Variants in DOCK8 observed in about 807,000 individuals in gnomAD.
DOCK8 encodes dedicator of cytokinesis protein 8.
In DOCK8, 141 loss-of-function variants were observed where a neutral mutation model predicts 245.6. The observed-to-expected ratio is 0.57, with a 90% CI of 0.50 to 0.66. The LOEUF is 0.66. DOCK8 is among the 30% of genes least tolerant of loss of function. The pLI, the probability that DOCK8 is intolerant of heterozygous loss-of-function variation, is 0.00. For missense variants in DOCK8, 2,965 were observed against 2,603.4 expected (o/e 1.14, Z -3.02); for synonymous variants, 1,168 against 970.2 (o/e 1.20, Z -3.79).
chr9:436,521 C>T (rs974124725), intron 39 of DOCK8, among the ~76,000 whole-genome samples: 15 of 152,076 alleles, frequency 9.9e-5, no homozygotes, highest in African/African-American at 3.6e-4. Context: ...TTCTTTTATT[C>T]CTTTTCCCAT....
At chr9:370,610 C>T (rs2053243460) in intron 16 of DOCK8, among the ~76,000 whole-genome samples, 6 of 152,210 alleles carry the variant, frequency 3.9e-5, no homozygotes. Flanking sequence ...TGCTTTGAGA[C>T]CCTGGAGGGG....
chr9:281,396 C>T (rs2048579226), intron 2 of DOCK8, among the ~76,000 whole-genome samples: 1 of 152,036 alleles, frequency 6.6e-6, no homozygotes. Context: ...CTTTGGTCTC[C>T]ACTGGCTAGG....
intron 1 of DOCK8, among the ~76,000 whole-genome samples, chr9:231,078 A>G (rs966542434): frequency 1.3e-5 from 2 of 152,036 alleles, no homozygotes; most frequent in Non-Finnish European, 2.9e-5. Flanking sequence ...TACTTTTTGT[A>G]TAAGGTGTAA....
chr9:389,000 C>T (rs548354172), intron 23 of DOCK8, among the ~76,000 whole-genome samples: 2 of 151,696 alleles, frequency 1.3e-5, no homozygotes, highest in South Asian at 2.1e-4. Flanking sequence ...TACTTTCTTA[C>T]CAGAAAAAAA....
chr9:266,913 G>T (rs202046056), intron 1 of DOCK8, among the ~76,000 whole-genome samples: 2 of 152,216 alleles, frequency 1.3e-5, no homozygotes, highest in African/African-American at 4.8e-5. Flanking sequence ...TGTCAAATTT[G>T]GTCTAAGAAT....
intron 26 of DOCK8, among the ~76,000 whole-genome samples, chr9:400,348 ACCACC>A: frequency 1.1e-5 from 1 of 94,380 alleles, no homozygotes; most frequent in Non-Finnish European, 2.1e-5. Context: ...CTCCACCACC[ACCACC>A]TCCTCCACCA....
chr9:303,828 C>A (rs73639045), intron 4 of DOCK8, among the ~76,000 whole-genome samples: 3,337 of 152,240 alleles, frequency 0.022, 52 homozygotes, highest in African/African-American at 0.036. Context: ...ATAAGATATC[C>A]CGTATCCTCA....
intron 1 of DOCK8, among the ~76,000 whole-genome samples, chr9:270,126 C>T (rs1326699173): frequency 2.6e-5 from 4 of 152,196 alleles, no homozygotes; most frequent in African/African-American, 4.8e-5. Flanking sequence ...ATTTCCCTCA[C>T]GGCTAGTAGA....
chr9:368,311 C>A (rs2131184846), intron 15 of DOCK8, 176 bp downstream of exon 15: 1 of 749,312 alleles, frequency 1.3e-6, no homozygotes, highest in Non-Finnish European at 2.5e-6. Flanking sequence ...GTCAGTCTTA[C>A]TTGACGATCT....
chr9:408,919 G>C (rs980010902), intron 28 of DOCK8, among the ~76,000 whole-genome samples: 1 of 137,914 alleles, frequency 7.3e-6, no homozygotes, highest in Non-Finnish European at 1.6e-5. Flanking sequence ...CACACACACA[G>C]TACCCTTTCT....
intron 24 of DOCK8, among the ~76,000 whole-genome samples, chr9:392,829 C>G (rs753045687): frequency 6.6e-6 from 1 of 152,016 alleles, no homozygotes; most frequent in African/African-American, 2.4e-5. Context: ...AGTATCAAAA[C>G]CGTCACCCCA....
Position 403,982 on chromosome 9 carries a change from A to C in DOCK8, c.3235-936A>C, listed in dbSNP as rs1564021975. On this transcript the variant is annotated intron_variant, in intron 26 of 47. Transcript: ENST00000432829. Reference sequence around the variant, plus strand: ...TATGTATATATATATATATGTGTATATATATATATGTGTATATATATATAT... The same window carrying C: ...TATGTATATATATATATATGTGTATCTATATATATGTGTATATATATATAT... Among the ~76,000 whole-genome samples, 41 of 73,776 alleles carry C rather than the reference A, an allele frequency of 5.6e-4. 1 individual carries two copies. Among genetic ancestry groups the C allele is most frequent in the South Asian group, 2.6e-3 (6 of 2,342 alleles). 48.4% of individuals were successfully genotyped at this position (73,776 alleles called of 152,430 possible).
At chr9:272,895 C>T (rs2048200657) in intron 2 of DOCK8, 1 of 246,772 alleles carries the variant, frequency 4.1e-6, no homozygotes, top group Non-Finnish European at 6.5e-6. Context: ...TCCAGCCCTC[C>T]TGTACTCACT....
At chr9:385,633 G>A (rs2053920762) in intron 22 of DOCK8, among the ~76,000 whole-genome samples, 1 of 152,140 alleles carries the variant, frequency 6.6e-6, no homozygotes, top group African/African-American at 2.4e-5. Flanking sequence ...GAAAGTATTT[G>A]TGGCACAAAA....
At chr9:335,015 G>A (rs897301457) in intron 11 of DOCK8, among the ~76,000 whole-genome samples, 4 of 151,986 alleles carry the variant, frequency 2.6e-5, no homozygotes, top group Admixed American at 6.6e-5. Context: ...CCAGGGAGGC[G>A]AGGTTACAGT....
In DOCK8 at chr9:434,419, G is replaced by A. The variant is rs139305327; in HGVS notation, c.4887-364G>A. On this transcript the variant is annotated intron_variant, in intron 38 of 47. Transcript: ENST00000432829. Reference sequence around the variant, plus strand: ...TTACTTACAGAGGCAAAATTGTTCTGATGCAACATCATACAAAGGGCAGTA... The same window carrying A: ...TTACTTACAGAGGCAAAATTGTTCTAATGCAACATCATACAAAGGGCAGTA... 7.2e-5 allele frequency among the ~76,000 whole-genome samples: 11 copies of A among 152,214 alleles called. No homozygotes were observed. In the East Asian group the frequency reaches 2.1e-3, roughly 29 times the overall value.
At chr9:308,554 A>T (rs2049951342) in intron 5 of DOCK8, among the ~76,000 whole-genome samples, 1 of 152,250 alleles carries the variant, frequency 6.6e-6, no homozygotes, top group Non-Finnish European at 1.5e-5. Flanking sequence ...ATTCCTTGGT[A>T]CACGTAGATT....
At chr9:388,613 G>A (rs2054056273) in intron 23 of DOCK8, among the ~76,000 whole-genome samples, 1 of 151,270 alleles carries the variant, frequency 6.6e-6, no homozygotes, top group South Asian at 2.1e-4. Flanking sequence ...GGAGTGCCGT[G>A]GTGCAATCTT....
chr9:367,671 G>C (rs563067995), intron 14 of DOCK8, among the ~76,000 whole-genome samples: 1 of 152,306 alleles, frequency 6.6e-6, no homozygotes, highest in African/African-American at 2.4e-5. Context: ...ATGGCCATGA[G>C]TTTTATTTAA....
Sources: allele counts gnomAD v4.1 joint callset (sites outside exome capture counted in the v4.1 genomes callset), GRCh38; gene constraint gnomAD v4.1.1; transcripts MANE v1.5; gene names NCBI Gene and HGNC (gene_info 2026-07-23, HGNC 2026-07-21).